DNAH2: variants seen among roughly 807,000 people sequenced by gnomAD.
DNAH2 encodes the protein dynein axonemal heavy chain 2, also known as axonemal beta dynein heavy chain 2.
In DNAH2, 323 loss-of-function variants were observed where a neutral mutation model predicts 523.5. That is an observed-to-expected ratio of 0.62 (90% CI 0.56 to 0.68). The LOEUF is 0.68. DNAH2 is among the 30% of genes least tolerant of loss of function. The pLI, the probability that DNAH2 is intolerant of heterozygous loss-of-function variation, is 0.00. For synonymous variants in DNAH2, 2,093 were observed against 2,177.4 expected, an observed-to-expected ratio of 0.96 and a Z score of 1.08; for missense variants, 4,907 against 5,701.5, an observed-to-expected ratio of 0.86 and a Z score of 4.49.
chr17:7,776,538 G>A (rs759375458), intron 31 of DNAH2, among the ~76,000 whole-genome samples: 14 of 152,118 alleles, frequency 9.2e-5, no homozygotes, highest in Non-Finnish European at 1.5e-4. Context: ...GGTGGCCAGT[G>A]GAAAGACAGA....
Position 7,817,990 on chromosome 17 carries a change from C to G in DNAH2, c.10281C>G (p.Ile3427Met), listed in dbSNP as rs574249431. ...IDLQMSDYLRILEHAIHFGYP... is the reference protein window; with the variant it reads ...IDLQMSDYLRMLEHAIHFGYP... ...TGCAGATGAGCGATTACCTGCGAAT[C>G]CTAGAACACGCCATTCACTTTGGAT... Residue 3427 changes from isoleucine (I) to methionine (M), a missense_variant, in exon 68 of 86, where the codon ATC (isoleucine) becomes ATG (methionine). Transcript: ENST00000572933. 45 of 1,614,122 alleles carry G rather than the reference C, an allele frequency of 2.8e-5. No homozygotes were observed. In the South Asian group the frequency reaches 4.8e-4, roughly 17 times the overall value.
In DNAH2 at chr17:7,830,736, G is replaced by A. The variant is rs777720460; in HGVS notation, c.12124G>A (p.Gly4042Ser). 6.8e-6 allele frequency: 11 copies of A among 1,614,012 alleles called. No individual in the cohort carries two copies. The highest frequency in any genetic ancestry group is 3.3e-5 in the Admixed American group (2 of 59,990). The change falls in exon 79 of 86, where the codon GGC (glycine) becomes AGC (serine). Residue 4042 changes from glycine to serine, a missense_variant. Around this residue, in one of 3 missense-constraint regions of DNAH2, gnomAD observed 1,851 missense variants for 2,139.4 expected, o/e 0.87. Transcript: ENST00000572933. ...PWDALKYLIA[G>S]INYGGHVTDD... Reference sequence around the variant, plus strand: ...GGACGCACTTAAGTACCTCATTGCCGGCATCAACTATGGTGGACATGTCAC... The same window carrying A: ...GGACGCACTTAAGTACCTCATTGCCAGCATCAACTATGGTGGACATGTCAC...
At chr17:7,724,757 T>TTTTTTC (rs1555534687) in intron 3 of DNAH2, among the ~76,000 whole-genome samples, 6 of 150,794 alleles carry the variant, frequency 4.0e-5, no homozygotes, top group African/African-American at 1.5e-4. Flanking sequence ...TTTTTTTTTT[T>TTTTTTC]CTGAGATGGA....
chr17:7,794,461 A>C, intron 49 of DNAH2, 103 bp downstream of exon 49: 1 of 1,007,972 alleles, frequency 9.9e-7, no homozygotes, highest in Non-Finnish European at 1.4e-6. Context: ...CGGCACCCCA[A>C]GTGGAGCTCC....
intron 24 of DNAH2, 39 bp downstream of exon 24, chr17:7,768,306 C>T: frequency 6.2e-7 from 1 of 1,609,242 alleles, no homozygotes; most frequent in Non-Finnish European, 8.5e-7. Flanking sequence ...CCACTCTGCC[C>T]CGCTGGCCTG....
chr17:7,802,925 G>A (rs1193369772), intron 58 of DNAH2, among the ~76,000 whole-genome samples: 2 of 151,328 alleles, frequency 1.3e-5, no homozygotes, highest in East Asian at 1.9e-4. Flanking sequence ...CTCCGGCCTT[G>A]GCCTCCCAAA....
chr17:7,777,257 A>G (rs1370269846), intron 32 of DNAH2, among the ~76,000 whole-genome samples, 189 bp from the exon 33 acceptor site: 1 of 152,102 alleles, frequency 6.6e-6, no homozygotes, highest in Non-Finnish European at 1.5e-5. Flanking sequence ...GCTGGTGGAA[A>G]AGGGCCAGAG....
Position 7,833,203 on chromosome 17 carries a change from C to T in DNAH2, c.13111C>T (p.Arg4371Cys), listed in dbSNP as rs370525057. ...PTIHFRPAES[R>C]KKSAKGMYSC... ...GATCCACTTCCGGCCTGCAGAGAGC[C>T]GCAAGAAGAGCGCCAAGGGTGGGAC... Residue 4371 changes from arginine to cysteine, a missense_variant, in exon 85 of 86, where the codon CGC (arginine) becomes TGC (cysteine). This residue lies in a region of DNAH2 where 1,851 missense variants were observed against 2,139.4 expected (regional missense o/e 0.87). Transcript: ENST00000572933. 1 of 1,607,508 alleles carries T rather than the reference C, an allele frequency of 6.2e-7. No homozygotes were observed. Among genetic ancestry groups the T allele is most frequent in the Non-Finnish European group, 8.5e-7 (1 of 1,179,982 alleles).
intron 44 of DNAH2, among the ~76,000 whole-genome samples, chr17:7,790,362 G>T (rs890799401): frequency 6.6e-6 from 1 of 151,822 alleles, no homozygotes; most frequent in African/African-American, 2.4e-5. Flanking sequence ...AGCTGGGACC[G>T]CAGGCGTGCG....
Position 7,758,947 on chromosome 17 carries a change from G to A in DNAH2, c.2271G>A (p.Glu757=), listed in dbSNP as rs755146261. The A allele has an allele frequency of 1.9e-6, 3 of 1,614,086 alleles. No homozygotes were observed. The highest frequency in any genetic ancestry group is 2.5e-6 in the Non-Finnish European group (3 of 1,180,048). The change falls in exon 15 of 86, where the codon GAG becomes GAA. Residue 757 remains glutamate (E), a synonymous_variant. Transcript: ENST00000572933. ...STLTIGWRAQ[E]MSEKLLVRIS... ...TGACCATTGGCTGGCGAGCCCAAGA[G>A]ATGTCAGAGAAGCTGCTGGTACGCA...
intron 69 of DNAH2, 82 bp from the exon 70 acceptor site, chr17:7,818,561 G>C (rs967412156): frequency 1.9e-6 from 3 of 1,602,238 alleles, no homozygotes; most frequent in Non-Finnish European, 2.6e-6. Flanking sequence ...TGAGGATGAG[G>C]GGTCTTTCAA....
rs1383510239 is a variant in DNAH2 at position 7,818,789 on chromosome 17, C to T, written c.10670+13C>T. 69 of 1,613,770 alleles carry T rather than the reference C, an allele frequency of 4.3e-5. No homozygotes were observed. The highest frequency in any genetic ancestry group is 5.6e-5 in the Non-Finnish European group (66 of 1,179,882). ...ATGAGATCCTGCGGTGAGGCCCTGC[C>T]TTCCCCTCCCACTGCCCCACGGGTC... On this transcript the variant is annotated intron_variant, in intron 70 of 85. Transcript: ENST00000572933.
At position 7,719,900 on chromosome 17, in the gene DNAH2, G is replaced by C; in HGVS notation, c.166G>C (p.Glu56Gln). Reference sequence around the variant, plus strand: ...GGCTGAGCTCCCCAAGGAGGAGCCTGGTGGGTACTTGCTGGGGCAGAGGAT... The same window carrying C: ...GGCTGAGCTCCCCAAGGAGGAGCCTCGTGGGTACTTGCTGGGGCAGAGGAT... ...LQAELPKEEP[E>Q]PRLEGPQAQS... Residue 56 changes from glutamate (E) to glutamine (Q), a missense_variant and splice_region_variant, in exon 2 of 86, where the codon GAG (glutamate) becomes CAG (glutamine). Glu to Gln is a conservative substitution (Grantham distance 29). This residue lies in a region of DNAH2 where 2,806 missense variants were observed against 3,190.8 expected (regional missense o/e 0.88). Coordinates refer to ENST00000572933, the MANE Select transcript of DNAH2 (RefSeq NM_020877.5). The C allele has an allele frequency of 1.3e-6, 2 of 1,532,466 alleles. No homozygotes were observed. The highest frequency in any genetic ancestry group is 1.8e-6 in the Non-Finnish European group (2 of 1,140,862). 94.9% of individuals were successfully genotyped at this position (1,532,466 alleles called of 1,614,324 possible).
In DNAH2 at chr17:7,780,095, T is replaced by C. The variant is rs1439178039; in HGVS notation, c.5723-62T>C. 5.7e-6 allele frequency: 9 copies of C among 1,570,150 alleles called. No homozygotes were observed. Among genetic ancestry groups the C allele is most frequent in the African/African-American group, 4.1e-5 (3 of 72,828 alleles). ...AAAATGAGACTGATTGGAAAGTGGG[T>C]TTGGGGAAGCAAATCAAGATGAGGA... On this transcript the variant is annotated intron_variant, in intron 36 of 85. Coordinates refer to ENST00000572933, the MANE Select transcript of DNAH2 (RefSeq NM_020877.5). The surrounding 1 kb of genome is among the most constrained non-coding windows in gnomAD (Gnocchi z 4.4).
At chr17:7,813,559 T>TA (rs1190980923) in intron 63 of DNAH2, among the ~76,000 whole-genome samples, 1 of 151,948 alleles carries the variant, frequency 6.6e-6, no homozygotes, top group South Asian at 2.1e-4. Flanking sequence ...TGGAAACAAG[T>TA]AAAAAAAATA....
rs1219258014 is a variant in DNAH2, at chr17:7,793,336, A to G, written c.7569+131A>G. The stretch of plus-strand genomic sequence containing the variant: ...TTCCCACACAGGAGCGTCCTTCTCC[A>G]TGACAGCAGTTCTCGGCTCCCCACT... On this transcript the variant is annotated intron_variant, in intron 48 of 85. Transcript: ENST00000572933. 1.2e-5 allele frequency: 11 copies of G among 907,966 alleles called. 1 individual carries two copies. The highest frequency in any genetic ancestry group is 1.7e-5 in the African/African-American group (1 of 59,830). 56.2% of individuals were successfully genotyped at this position (907,966 alleles called of 1,614,324 possible).
Position 7,754,488 on chromosome 17 carries a change from G to A in DNAH2, c.1905-2603G>A. 1 of 732,512 alleles carries A rather than the reference G, an allele frequency of 1.4e-6. No individual in the cohort carries two copies. Among genetic ancestry groups the A allele is most frequent in the Admixed American group, 2.2e-5 (1 of 44,770 alleles). 45.4% of individuals were successfully genotyped at this position (732,512 alleles called of 1,614,324 possible). ...CACAAAGATACAAATCTCTTAAGGG[G>A]GTGGACTCCAAGTTCCTGAGGAACA... On this transcript the variant is annotated intron_variant, in intron 12 of 85. Transcript: ENST00000572933. This position sits in a 1 kb window ranked among gnomAD's most constrained non-coding sequence, Gnocchi z 4.6.
intron 56 of DNAH2, among the ~76,000 whole-genome samples, chr17:7,799,613 G>A (rs527248320): frequency 7.9e-5 from 12 of 152,244 alleles, no homozygotes; most frequent in South Asian, 2.1e-4. Flanking sequence ...TCAGGAGATC[G>A]AGACCATGCC....
Position 7,798,240 on chromosome 17 carries a change from G to A in DNAH2, c.8314G>A (p.Ala2772Thr). The change falls in exon 54 of 86, where the codon GCC becomes ACC. Residue 2772 changes from alanine to threonine, a missense_variant. Ala to Thr is a moderately conservative substitution (Grantham distance 58). Transcript: ENST00000572933. The surrounding 1 kb of genome is among the most constrained non-coding windows in gnomAD (Gnocchi z 5.5). ...CGGGGGCAGCGGACGCCAGAGTCTG[G>A]CCCGCCTGGCTTCATCCATCTGCGA... is the stretch of plus-strand genomic sequence containing the variant. ...GIGGSGRQSL[A>T]RLASSICDYT... 6.2e-7 allele frequency: 1 copy of A among 1,613,904 alleles called. No individual in the cohort carries two copies. Among genetic ancestry groups the A allele is most frequent in the Non-Finnish European group, 8.5e-7 (1 of 1,179,854 alleles).
Sources: gnomAD v4.1 joint callset for allele counts (sites outside exome capture counted in the v4.1 genomes callset) on GRCh38, gnomAD v4.1.1 for gene constraint, gnomAD v4.1.1 regional missense constraint, Gnocchi (gnomAD v3.1) non-coding constraint, MANE v1.5 for transcripts, NCBI Gene and HGNC (gene_info 2026-07-23, HGNC 2026-07-21) for gene names.